DYRK1A: variants seen among roughly 807,000 people sequenced by gnomAD.
The protein encoded by DYRK1A is dual specificity tyrosine-phosphorylation-regulated kinase 1A.
Under a neutral mutation model 79.7 loss-of-function variants are expected in DYRK1A, and 9 were observed. The observed-to-expected ratio is 0.11, with a 90% CI of 0.07 to 0.20. The LOEUF is 0.20. Among genes scored for constraint, DYRK1A ranks in the 10% least tolerant of loss-of-function variants. The probability of loss-of-function intolerance (pLI) is 1.00; values close to 1 mark genes in which losing one functional copy is unlikely to be tolerated. For synonymous variants in DYRK1A, 349 were observed against 329.7 expected (o/e 1.06, Z -0.63); for missense variants, 622 against 956.0 (o/e 0.65, Z 4.61).
chr21:37,399,227 C>A (rs1365231000), intron 1 of DYRK1A, among the ~76,000 whole-genome samples: 1 of 152,278 alleles, frequency 6.6e-6, no homozygotes, highest in East Asian at 1.9e-4. Flanking sequence ...GGGGCCAAAT[C>A]TGGATTGTGT....
chr21:37,459,008 T>C (rs185870434), intron 2 of DYRK1A, among the ~76,000 whole-genome samples: 1 of 152,192 alleles, frequency 6.6e-6, no homozygotes, highest in Non-Finnish European at 1.5e-5. Context: ...GTTCACTGTT[T>C]TGTGTGTGGA....
chr21:37,422,207 A>T (rs974344915), intron 2 of DYRK1A, among the ~76,000 whole-genome samples: 1 of 152,134 alleles, frequency 6.6e-6, no homozygotes, highest in Non-Finnish European at 1.5e-5. Context: ...CAGAGGAAAA[A>T]ACCCAGGAAA....
chr21:37,378,346 G>A (rs778838077), intron 1 of DYRK1A, among the ~76,000 whole-genome samples: 7 of 152,118 alleles, frequency 4.6e-5, no homozygotes, highest in African/African-American at 9.7e-5. Context: ...GACCCTGACC[G>A]ACATGGAGAA....
intron 9 of DYRK1A, chr21:37,503,044 G>C (rs2053497249): frequency 6.6e-6 from 1 of 151,916 alleles, no homozygotes; most frequent in Admixed American, 6.6e-5. Context: ...CCCTCTGGCT[G>C]ATTTTAATAT....
At chr21:37,431,253 T>G (rs1039990117) in intron 2 of DYRK1A, among the ~76,000 whole-genome samples, 9 of 152,230 alleles carry the variant, frequency 5.9e-5, no homozygotes, top group African/African-American at 2.2e-4. Context: ...GGCTGTTGGC[T>G]CCTTCGCTTG....
chr21:37,518,250 A>G lies in DYRK1A; in HGVS notation c.*5719A>G, dbSNP rs2053900689. ...AGCGTTTTTATGTACATCACAGACA[A>G]GCCTTGTTCTGCTGAAGAGGTGATG... On this transcript the variant is annotated 3_prime_UTR_variant, in exon 12 of 12. Coordinates refer to ENST00000647188, the MANE Select transcript of DYRK1A (RefSeq NM_001347721.2). 1 of 152,220 alleles carries G rather than the reference A, an allele frequency of 6.6e-6. No homozygotes were observed. Among genetic ancestry groups the G allele is most frequent in the Non-Finnish European group, 1.5e-5 (1 of 68,052 alleles). The allele number at this position is 152,220 out of a possible 1,614,324, so 9.4% of individuals were successfully genotyped here.
chr21:37,455,086 C>CA lies in DYRK1A; in HGVS notation c.11-17597dup, dbSNP rs551007568. Reference sequence around the variant, plus strand: ...GGTTAGGTTACATTCTGGCAAAAAACAGGCTCCCAGGACAATTCTTGGGAG... The same window carrying CA: ...GGTTAGGTTACATTCTGGCAAAAAACAAGGCTCCCAGGACAATTCTTGGGAG... On this transcript the variant is annotated intron_variant, in intron 2 of 11. Transcript: ENST00000647188. Among the ~76,000 whole-genome samples, 11 of 130,898 alleles carry CA rather than the reference C, an allele frequency of 8.4e-5. No individual in the cohort carries two copies. The South Asian group carries it at 2.8e-3, about 34-fold the overall frequency. The allele number at this position is 130,898 out of a possible 152,430, so 85.9% of individuals were successfully genotyped here. A position where few individuals can be genotyped will look rare whatever the true frequency, so the allele number is the denominator to read the frequency against.
chr21:37,419,586 C>T (rs2050424515), intron 1 of DYRK1A: 1 of 152,162 alleles, frequency 6.6e-6, no homozygotes, highest in Non-Finnish European at 1.5e-5. Flanking sequence ...AAAGTTTTCA[C>T]TCAACTCCTT....
chr21:37,378,054 A>C (rs564029192), intron 1 of DYRK1A, among the ~76,000 whole-genome samples: 61 of 152,344 alleles, frequency 4.0e-4, no homozygotes, highest in African/African-American at 1.4e-3. Context: ...TAGTTTCTCA[A>C]ATCTCACCAA....
intron 8 of DYRK1A, 107 bp from the exon 9 acceptor site, chr21:37,496,011 C>A: frequency 9.3e-7 from 1 of 1,079,788 alleles, no homozygotes; most frequent in Non-Finnish European, 1.3e-6. Context: ...TAGAGGAGTG[C>A]CAGACACACA....
intron 4 of DYRK1A, among the ~76,000 whole-genome samples, chr21:37,480,352 T>C (rs117503783): frequency 2.0e-5 from 3 of 152,328 alleles, no homozygotes; most frequent in Non-Finnish European, 4.4e-5. Context: ...CACCTCACTG[T>C]ATATAAATTA....
intron 2 of DYRK1A, among the ~76,000 whole-genome samples, chr21:37,453,151 C>T (rs552563396): frequency 1.3e-5 from 2 of 152,246 alleles, no homozygotes; most frequent in South Asian, 2.1e-4. Flanking sequence ...TAAAATTAAA[C>T]TTAAATATAT....
intron 2 of DYRK1A, chr21:37,464,185 G>T: frequency 5.4e-6 from 2 of 368,772 alleles, no homozygotes; most frequent in Non-Finnish European, 1.1e-5. Context: ...TGTATTTGCT[G>T]TTTCCTCTGT....
In DYRK1A at chr21:37,524,619, G is replaced by A. The variant is rs183402147; in HGVS notation, c.*12088G>A. The A allele has an allele frequency of 6.2e-4, 95 of 152,240 alleles. No homozygotes were observed. The highest frequency in any genetic ancestry group is 2.0e-3 in the African/African-American group (82 of 41,560). 9.4% of individuals were successfully genotyped at this position (152,240 alleles called of 1,614,324 possible). ...GACATTAGGAATGACATCAGTAGTC[G>A]ACTAAAAAGGCAAATGGTTTTGAGT... On this transcript the variant is annotated 3_prime_UTR_variant, in exon 12 of 12. Transcript: ENST00000647188.
intron 1 of DYRK1A, among the ~76,000 whole-genome samples, chr21:37,372,181 C>T (rs1378343957): frequency 1.3e-5 from 2 of 151,934 alleles, no homozygotes; most frequent in African/African-American, 4.8e-5. Context: ...TGGTGGCTCA[C>T]ACCTGTAATC....
At position 37,519,751 on chromosome 21, in the gene DYRK1A, T is replaced by TGG. The variant is rs1273613317; in HGVS notation, c.*7220_*7221insGG. 7.1e-6 allele frequency: 1 copy of TGG among 141,104 alleles called. No individual in the cohort carries two copies. Among genetic ancestry groups the TGG allele is most frequent in the African/African-American group, 2.9e-5 (1 of 34,506 alleles). 8.7% of individuals were successfully genotyped at this position (141,104 alleles called of 1,614,324 possible). A position where few individuals can be genotyped will look rare whatever the true frequency, so the allele number is the denominator to read the frequency against. On this transcript the variant is annotated 3_prime_UTR_variant, in exon 12 of 12. Coordinates refer to ENST00000647188, the MANE Select transcript of DYRK1A (RefSeq NM_001347721.2). The stretch of plus-strand genomic sequence containing the variant: ...GTTGTGGGAAGTTTTTTTTTTTTTT[T>TGG]TTTTTTTTGAGGCGGAGTCTCGCTC...
intron 2 of DYRK1A, among the ~76,000 whole-genome samples, chr21:37,448,436 A>G (rs975582011): frequency 1.3e-5 from 2 of 152,030 alleles, no homozygotes; most frequent in South Asian, 4.1e-4. Context: ...CAAGTCCAAA[A>G]CTCTAGAGGT....
At chr21:37,414,006 C>A (rs998918439) in intron 1 of DYRK1A, among the ~76,000 whole-genome samples, 1 of 152,010 alleles carries the variant, frequency 6.6e-6, no homozygotes, top group Non-Finnish European at 1.5e-5. Flanking sequence ...TACGTCTTTG[C>A]AGTGGAGTAC....
At chr21:37,391,472 A>G (rs2049869361) in intron 1 of DYRK1A, among the ~76,000 whole-genome samples, 1 of 152,206 alleles carries the variant, frequency 6.6e-6, no homozygotes, top group Non-Finnish European at 1.5e-5. Flanking sequence ...GGTGAGTTTT[A>G]TCTTCAGTGC....
Sources: allele counts gnomAD v4.1 joint callset (sites outside exome capture counted in the v4.1 genomes callset), GRCh38; gene constraint gnomAD v4.1.1; transcripts MANE v1.5; gene names NCBI Gene and HGNC (gene_info 2026-07-23, HGNC 2026-07-21).